The following WDR7 variants were observed in gnomAD, a reference collection of about 807,000 sequenced individuals.
WDR7 encodes WD repeat domain 7.
Under a neutral mutation model 169.4 loss-of-function variants are expected in WDR7, and 46 were observed. The ratio of observed to expected loss-of-function variants is 0.27; its 90% CI spans 0.21 to 0.35. WDR7 has a LOEUF of 0.35. WDR7 is among the 10% of genes least tolerant of loss of function. WDR7 has a pLI of 1.00. For missense variants in WDR7, 1,534 were observed against 1,859.3 expected, an observed-to-expected ratio of 0.83 and a Z score of 3.22; for synonymous variants, 612 against 666.8, an observed-to-expected ratio of 0.92 and a Z score of 1.27.
At chr18:56,767,428 C>T (rs2044084898) in intron 16 of WDR7, among the ~76,000 whole-genome samples, 1 of 152,186 alleles carries the variant, frequency 6.6e-6, no homozygotes, top group African/African-American at 2.4e-5. Context: ...CTTTGTTCTC[C>T]ATGTAGCTTC....
intron 14 of WDR7, among the ~76,000 whole-genome samples, chr18:56,749,456 A>G (rs1044905048): frequency 3.3e-5 from 5 of 151,354 alleles, no homozygotes; most frequent in African/African-American, 1.2e-4. Flanking sequence ...TAGTATCCTT[A>G]ATCTCTGCTT....
rs1303914650 is a variant in WDR7 at position 56,740,086 on chromosome 18, GTTC to G, written c.1989+8494_1989+8496del. The stretch of plus-strand genomic sequence containing the variant: ...AAAAATTGTTTTTCGTAGGTTTCAT[GTTC>G]TTCTCTCTATTTTGTAATCTTTGTC... On this transcript the variant is annotated intron_variant, in intron 14 of 27. Transcript: ENST00000254442. Among the ~76,000 whole-genome samples, 10 of 151,820 alleles carry G rather than the reference GTTC, an allele frequency of 6.6e-5. No individual in the cohort carries two copies. In the South Asian group the frequency reaches 1.7e-3, roughly 25 times the overall value.
chr18:56,756,625 G>T lies in WDR7; in HGVS notation c.2032G>T (p.Ala678Ser), dbSNP rs138399196. 2,121 of 1,612,468 alleles carry T rather than the reference G, an allele frequency of 1.3e-3. 6 individuals carry two copies. The highest frequency in any genetic ancestry group is 1.5e-3 in the Non-Finnish European group (1,822 of 1,179,586). The stretch of plus-strand genomic sequence containing the variant: ...TTCTCATAACTCCCTGATGGTTCAA[G>T]CAATAAAGACAAACCTAACAGACCC... ...KYSHNSLMVQAIKTNLTDPDI... is the reference protein window; with the variant it reads ...KYSHNSLMVQSIKTNLTDPDI... Residue 678 changes from alanine to serine, a missense_variant, in exon 15 of 28, where the codon GCA (alanine) becomes TCA (serine). Ala to Ser is a moderately conservative substitution (Grantham distance 99, BLOSUM62 1). Coordinates refer to ENST00000254442, the MANE Select transcript of WDR7 (RefSeq NM_015285.3).
chr18:56,912,064 C>G (rs115884551), intron 21 of WDR7, among the ~76,000 whole-genome samples: 4 of 152,168 alleles, frequency 2.6e-5, no homozygotes, highest in Admixed American at 2.0e-4. Flanking sequence ...GGCAAGCCCC[C>G]CTTCACGGAT....
intron 19 of WDR7, among the ~76,000 whole-genome samples, chr18:56,792,113 G>A (rs577195356): frequency 5.1e-4 from 78 of 152,172 alleles, no homozygotes; most frequent in African/African-American, 1.7e-3. Context: ...AACCTCCTGC[G>A]TTCAAGCAAT....
intron 14 of WDR7, among the ~76,000 whole-genome samples, chr18:56,752,193 C>T (rs768678948): frequency 2.0e-5 from 3 of 152,170 alleles, no homozygotes; most frequent in Non-Finnish European, 4.4e-5. Flanking sequence ...CCTGGTGATT[C>T]TGAGAAAAAT....
intron 19 of WDR7, among the ~76,000 whole-genome samples, chr18:56,793,517 C>T (rs926285614): frequency 6.6e-6 from 1 of 152,182 alleles, no homozygotes; most frequent in African/African-American, 2.4e-5. Flanking sequence ...CTAGAAAGCA[C>T]ACTAGTTGAG....
intron 21 of WDR7, among the ~76,000 whole-genome samples, chr18:56,903,410 A>AT (rs1227664274): frequency 6.6e-6 from 1 of 151,590 alleles, no homozygotes; most frequent in African/African-American, 2.4e-5. Flanking sequence ...TTTTATTTTT[A>AT]TTATTTATTT....
chr18:57,026,296 A>G (rs1004963304), intron 27 of WDR7, among the ~76,000 whole-genome samples: 1 of 152,266 alleles, frequency 6.6e-6, no homozygotes, highest in Non-Finnish European at 1.5e-5. Flanking sequence ...GCCAAAAAGC[A>G]GAAGTTATCA....
intron 17 of WDR7, among the ~76,000 whole-genome samples, chr18:56,778,102 G>A (rs1244933177): frequency 6.6e-6 from 1 of 151,976 alleles, no homozygotes; most frequent in African/African-American, 2.4e-5. Context: ...CTATTATAAA[G>A]AAGTTATAAT....
intron 1 of WDR7, among the ~76,000 whole-genome samples, chr18:56,663,179 T>G (rs961748201): frequency 1.3e-5 from 2 of 152,184 alleles, no homozygotes; most frequent in Admixed American, 1.3e-4. Flanking sequence ...ACATTTAACC[T>G]TTATCACCTT....
rs551051795 is a variant in WDR7 at position 56,904,216 on chromosome 18, C to A, written c.3527-19706C>A. On this transcript the variant is annotated intron_variant, in intron 21 of 27. Transcript: ENST00000254442. ...TCCCGAGTAGCTGGGATTACAGGCA[C>A]CTGCCACTATGCCCAGCTAATTTTT... Among the ~76,000 whole-genome samples the A allele has an allele frequency of 2.6e-5, 4 of 151,822 alleles. No individual in the cohort carries two copies. The South Asian group carries it at 8.4e-4, about 32-fold the overall frequency.
chr18:56,895,356 A>T (rs184023350), intron 21 of WDR7, among the ~76,000 whole-genome samples: 302 of 152,056 alleles, frequency 2.0e-3, no homozygotes, highest in African/African-American at 6.8e-3. Flanking sequence ...ACAAAAAAAA[A>T]TTTTTAAAGG....
chr18:57,033,724 T>G (rs563632979), downstream of WDR7: 25 of 150,254 alleles, frequency 1.7e-4, no homozygotes, highest in African/African-American at 6.1e-4. Flanking sequence ...ACCGAAGCAT[T>G]CTAACAGCTG....
In WDR7 at chr18:56,691,172, T is replaced by G. The variant is rs1555678125; in HGVS notation, c.718-44T>G. 8.9e-6 allele frequency: 14 copies of G among 1,565,694 alleles called. No homozygotes were observed. In the South Asian group the frequency reaches 1.7e-4, roughly 19 times the overall value. On this transcript the variant is annotated intron_variant, in intron 7 of 27. Coordinates refer to ENST00000254442, the MANE Select transcript of WDR7 (RefSeq NM_015285.3). ...TGAAATGTCACTGGATCTTACTTTT[T>G]ACAACAATATGGAGTAGATTGTGAA...
intron 16 of WDR7, among the ~76,000 whole-genome samples, chr18:56,763,568 C>G (rs1428739280): frequency 6.6e-6 from 1 of 152,066 alleles, no homozygotes; most frequent in Non-Finnish European, 1.5e-5. Context: ...TCTATTAATG[C>G]CTTTGTCCAG....
At chr18:57,004,518 T>C (rs2145896283) in intron 26 of WDR7, among the ~76,000 whole-genome samples, 1 of 152,266 alleles carries the variant, frequency 6.6e-6, no homozygotes, top group East Asian at 1.9e-4. Context: ...TGTTTAAAGG[T>C]GTGCAGAGTT....
chr18:56,834,258 T>G (rs2045361377), intron 20 of WDR7, among the ~76,000 whole-genome samples: 1 of 152,206 alleles, frequency 6.6e-6, no homozygotes, highest in Non-Finnish European at 1.5e-5. Context: ...CTGTACAAAG[T>G]AATCTTATTA....
chr18:56,791,055 A>G (rs1379445175), intron 19 of WDR7, among the ~76,000 whole-genome samples: 1 of 152,160 alleles, frequency 6.6e-6, no homozygotes, highest in Non-Finnish European at 1.5e-5. Context: ...CTTGATTTAG[A>G]GATGAAAATA....
Sources: allele counts gnomAD v4.1 joint callset (sites outside exome capture counted in the v4.1 genomes callset), GRCh38; gene constraint gnomAD v4.1.1; transcripts MANE v1.5; gene names NCBI Gene and HGNC (gene_info 2026-07-23, HGNC 2026-07-21).